Variants in NTN4 observed in about 807,000 individuals in gnomAD.
NTN4 encodes the protein netrin 4.
In NTN4, 32 loss-of-function variants were observed where a neutral mutation model predicts 73.6. The observed-to-expected ratio is 0.44, with a 90% confidence interval of 0.33 to 0.58. The LOEUF (loss-of-function observed/expected upper bound fraction) is 0.58, where lower values mean the gene tolerates loss of function less well. Among genes scored for constraint, NTN4 ranks in the 20% least tolerant of loss-of-function variants. NTN4 has a pLI of 0.04. For missense variants in NTN4, 654 were observed against 798.3 expected (o/e 0.82, Z 2.18); for synonymous variants, 258 against 287.5 (o/e 0.90, Z 1.04).
Position 95,742,335 on chromosome 12 carries a change from A to C in NTN4, c.586-4191T>G, listed in dbSNP as rs374569766. ...ATGGTGAAACCCCATCTCTACTAAA[A>C]ATACAAAAATTAGCCAGGCATGGTG... On this transcript the variant is annotated intron_variant, in intron 2 of 9. Coordinates refer to ENST00000343702, the MANE Select transcript of NTN4 (RefSeq NM_021229.4). Among the ~76,000 whole-genome samples, 436 of 152,130 alleles carry C rather than the reference A, an allele frequency of 2.9e-3. 3 individuals carry two copies. Among genetic ancestry groups the C allele is most frequent in the Non-Finnish European group, 5.4e-3 (364 of 68,010 alleles).
intron 5 of NTN4, among the ~76,000 whole-genome samples, chr12:95,689,889 G>T (rs1426818778): frequency 1.3e-5 from 2 of 152,116 alleles, no homozygotes; most frequent in Non-Finnish European, 2.9e-5. Context: ...GGTTTTCTTT[G>T]TCTATCACAC....
chr12:95,741,427 T>TTATATA lies in NTN4; in HGVS notation c.586-3289_586-3284dup, dbSNP rs1174318245. Reference sequence around the variant, plus strand: ...ACCTATAATGTAAATTATGTATAAATTATATATATATATATATATATATAT... The same window carrying TTATATA: ...ACCTATAATGTAAATTATGTATAAATTATATATATATATATATATATATATATATAT... On this transcript the variant is annotated intron_variant, in intron 2 of 9. Transcript: ENST00000343702. Among the ~76,000 whole-genome samples the TTATATA allele has an allele frequency of 3.2e-3, 164 of 50,992 alleles. 3 individuals carry two copies. Among genetic ancestry groups the TTATATA allele is most frequent in the East Asian group, 6.3e-3 (7 of 1,120 alleles). 33.5% of individuals were successfully genotyped at this position (50,992 alleles called of 152,430 possible). A position where few individuals can be genotyped will look rare whatever the true frequency, so the allele number is the denominator to read the frequency against.
chr12:95,718,278 G>T (rs1341552038), intron 3 of NTN4, among the ~76,000 whole-genome samples: 1 of 152,160 alleles, frequency 6.6e-6, no homozygotes, highest in Non-Finnish European at 1.5e-5. Flanking sequence ...GCCTAGAAAA[G>T]CTGCTTTTTC....
chr12:95,673,362 C>T (rs115495222), intron 7 of NTN4: 2,649 of 248,316 alleles, frequency 0.011, 64 homozygotes, highest in African/African-American at 0.053. Context: ...TTTTTGCGAC[C>T]GCTTTGTTTA....
chr12:95,710,378 G>A, intron 5 of NTN4, 63 bp downstream of exon 5: 1 of 1,351,606 alleles, frequency 7.4e-7, no homozygotes, highest in South Asian at 1.3e-5. Context: ...AGCAGAATGA[G>A]GGATAAAGAG....
At position 95,693,693 on chromosome 12, in the gene NTN4, T is replaced by C. The variant is rs533753153; in HGVS notation, c.1181-9982A>G. Among the ~76,000 whole-genome samples the C allele has an allele frequency of 3.5e-5, 5 of 144,646 alleles. No homozygotes were observed. The Admixed American group carries it at 3.6e-4, about 10-fold the overall frequency. The allele number at this position is 144,646 out of a possible 152,430, so 94.9% of individuals were successfully genotyped here. A position where few individuals can be genotyped will look rare whatever the true frequency, so the allele number is the denominator to read the frequency against. On this transcript the variant is annotated intron_variant, in intron 5 of 9. Transcript: ENST00000343702. ...CTGCAGTGAGCCGAGATCACGCCAC[T>C]GCACTCCAGCCTGGGTGATAGAGCA...
At chr12:95,661,406 G>A (rs2078136939) in intron 9 of NTN4, among the ~76,000 whole-genome samples, 1 of 152,214 alleles carries the variant, frequency 6.6e-6, no homozygotes, top group Admixed American at 6.5e-5. Flanking sequence ...TTCAGGAAAG[G>A]ATTATCAGTT....
intron 7 of NTN4, chr12:95,672,400 C>A: frequency 9.9e-7 from 1 of 1,009,492 alleles, no homozygotes; most frequent in Non-Finnish European, 1.6e-6. Context: ...CTGAGCCCGG[C>A]AGGCCACCAG....
chr12:95,754,451 G>A (rs1162303178), intron 2 of NTN4, among the ~76,000 whole-genome samples: 1 of 152,012 alleles, frequency 6.6e-6, no homozygotes, highest in Non-Finnish European at 1.5e-5. Context: ...ATATAAGAAG[G>A]CAGGAATGTC....
intron 2 of NTN4, among the ~76,000 whole-genome samples, chr12:95,770,851 TAGC>T (rs1262102799): frequency 6.6e-6 from 1 of 152,114 alleles, no homozygotes; most frequent in Non-Finnish European, 1.5e-5. Context: ...TCAGCAAACA[TAGC>T]AGAGGCCTGG....
intron 3 of NTN4, among the ~76,000 whole-genome samples, chr12:95,731,913 T>C (rs2078740038): frequency 6.6e-6 from 1 of 152,166 alleles, no homozygotes; most frequent in African/African-American, 2.4e-5. Flanking sequence ...TGATACTCCA[T>C]GTAGTTGTTA....
At chr12:95,667,745 A>C (rs1411324105) in intron 8 of NTN4, among the ~76,000 whole-genome samples, 1 of 152,056 alleles carries the variant, frequency 6.6e-6, no homozygotes, top group Non-Finnish European at 1.5e-5. Flanking sequence ...TTGTAGTCCC[A>C]GCTACTTGGG....
intron 3 of NTN4, among the ~76,000 whole-genome samples, chr12:95,734,211 CA>C (rs1457056440): frequency 6.6e-5 from 10 of 151,976 alleles, no homozygotes; most frequent in Admixed American, 6.6e-4. Context: ...CAGCCATAAA[CA>C]ATTCTAGCCC....
In NTN4 at chr12:95,729,626, AGAGAGAGTGTGTGTGT is replaced by A. The variant is rs1176579139; in HGVS notation, c.864+8224_864+8239del. Among the ~76,000 whole-genome samples, 204 of 122,586 alleles carry A rather than the reference AGAGAGAGTGTGTGTGT, an allele frequency of 1.7e-3. 2 individuals are homozygous for A. Among genetic ancestry groups the A allele is most frequent in the Non-Finnish European group, 2.8e-3 (163 of 59,236 alleles). The allele number at this position is 122,586 out of a possible 152,430, so 80.4% of individuals were successfully genotyped here. Reference sequence around the variant, plus strand: ...GGAATTATTATAAAGAGAGAGAGAGAGAGAGAGTGTGTGTGTGTGTGTGTGTGTGTGTGTGTGTGTG... The same window carrying A: ...GGAATTATTATAAAGAGAGAGAGAGAGTGTGTGTGTGTGTGTGTGTGTGTG... On this transcript the variant is annotated intron_variant, in intron 3 of 9. Coordinates refer to ENST00000343702, the MANE Select transcript of NTN4 (RefSeq NM_021229.4).
At chr12:95,705,806 CTT>C (rs1313486460) in intron 5 of NTN4, among the ~76,000 whole-genome samples, 2 of 152,136 alleles carry the variant, frequency 1.3e-5, no homozygotes, top group Non-Finnish European at 2.9e-5. Flanking sequence ...ACTCACTAGA[CTT>C]TGTTAGCTTT....
In NTN4 at chr12:95,683,730, G is replaced by T. The variant is rs186099491; in HGVS notation, c.1181-19C>A. The T allele has an allele frequency of 2.5e-5, 39 of 1,569,168 alleles. No homozygotes were observed. The East Asian group carries it at 4.9e-4, about 20-fold the overall frequency. ...GAACACGCTACAACAGAGAGGACACGCAAGGATCAAAGACTGACTGTAGAT... is the reference window on the plus strand; with the variant it reads ...GAACACGCTACAACAGAGAGGACACTCAAGGATCAAAGACTGACTGTAGAT... On this transcript the variant is annotated intron_variant, in intron 5 of 9. Transcript: ENST00000343702.
chr12:95,777,448 A>G (rs1369788692), intron 2 of NTN4, among the ~76,000 whole-genome samples: 1 of 152,220 alleles, frequency 6.6e-6, no homozygotes, highest in East Asian at 1.9e-4. Context: ...ATAGGCTCAT[A>G]TAAAGGGATG....
At chr12:95,740,712 A>T (rs1365034626) in intron 2 of NTN4, among the ~76,000 whole-genome samples, 11 of 152,204 alleles carry the variant, frequency 7.2e-5, no homozygotes, top group Admixed American at 6.5e-4. Context: ...CCAACTTGAT[A>T]ATATCTTTCT....
rs1242252645 is a variant in NTN4, at chr12:95,679,559, C to T, written c.1510+3148G>A. ...AACCCTGTAATCCTTGACCCTACCT[C>T]ATTTCACCCTCACATCCCTATTTAC... On this transcript the variant is annotated intron_variant, in intron 7 of 9. Transcript: ENST00000343702. Among the ~76,000 whole-genome samples the T allele has an allele frequency of 3.6e-5, 5 of 137,114 alleles. No homozygotes were observed. In the South Asian group the frequency reaches 8.7e-4, roughly 24 times the overall value. 90.0% of individuals were successfully genotyped at this position (137,114 alleles called of 152,430 possible).
Sources: allele counts gnomAD v4.1 joint callset (sites outside exome capture counted in the v4.1 genomes callset), GRCh38; gene constraint gnomAD v4.1.1; transcripts MANE v1.5; gene names NCBI Gene and HGNC (gene_info 2026-07-23, HGNC 2026-07-21).